CHD6: variants seen among roughly 807,000 people sequenced by gnomAD.
CHD6 encodes ATP-dependent chromatin remodeler CHD6.
In CHD6, 50 loss-of-function variants were observed where a neutral mutation model predicts 276.9. That is an observed-to-expected ratio of 0.18 (90% CI 0.14 to 0.23). The LOEUF (loss-of-function observed/expected upper bound fraction) is 0.23, where lower values mean the gene tolerates loss of function less well. Ranked by LOEUF, CHD6 falls within the 10% of genes least tolerant of loss-of-function variation. The pLI, the probability that CHD6 is intolerant of heterozygous loss-of-function variation, is 1.00. For synonymous variants in CHD6, 1,173 were observed against 1,229.3 expected, an observed-to-expected ratio of 0.95 and a Z score of 0.96; for missense variants, 2,564 against 3,365.8, an observed-to-expected ratio of 0.76 and a Z score of 5.89.
intron 2 of CHD6, among the ~76,000 whole-genome samples, chr20:41,548,412 G>A (rs929896470): frequency 1.3e-5 from 2 of 152,096 alleles, no homozygotes; most frequent in African/African-American, 4.8e-5. Flanking sequence ...CAAGAAACCA[G>A]AATTCATTTT....
At chr20:41,457,605 C>T (rs140274999) in intron 17 of CHD6, among the ~76,000 whole-genome samples, 177 bp from the exon 18 acceptor site, 140 of 152,312 alleles carry the variant, frequency 9.2e-4, no homozygotes, top group African/African-American at 3.1e-3. Context: ...CCCTCCGTGG[C>T]CACTCATTTC....
chr20:41,416,749 A>C lies in CHD6; in HGVS notation c.6325T>G (p.Leu2109Val). 1.3e-5 allele frequency: 21 copies of C among 1,610,500 alleles called. No individual in the cohort carries two copies. The highest frequency in any genetic ancestry group is 1.8e-5 in the Non-Finnish European group (21 of 1,177,644). ...TGGCTAGAGGGCCACTTCCCCTTTA[A>C]CACCACGTGGCAGATATTATCTAGG... ...NRLDNICHVV[L>V]KGKWPSSQQY... is the part of the protein sequence containing the mutation. The change falls in exon 33 of 37, where the codon TTA (leucine) becomes GTA (valine). Residue 2109 changes from leucine (L) to valine (V), a missense_variant. Coordinates refer to ENST00000373233, the MANE Select transcript of CHD6 (RefSeq NM_032221.5).
intron 7 of CHD6, chr20:41,497,952 A>G (rs751135207): frequency 1.9e-6 from 1 of 532,058 alleles, no homozygotes; most frequent in Non-Finnish European, 3.4e-6. Context: ...TCTTGGGTGG[A>G]GCAAAGGCTT....
intron 2 of CHD6, among the ~76,000 whole-genome samples, chr20:41,538,179 C>G (rs1312126960): frequency 6.6e-6 from 1 of 151,990 alleles, no homozygotes; most frequent in Non-Finnish European, 1.5e-5. Context: ...GGTGAAACTC[C>G]CTATCTACTA....
intron 3 of CHD6, among the ~76,000 whole-genome samples, chr20:41,521,059 G>C (rs2044381265): frequency 6.6e-6 from 1 of 152,166 alleles, no homozygotes; most frequent in African/African-American, 2.4e-5. Context: ...GGATACAGGA[G>C]GGAGTGACAC....
chr20:41,597,167 A>T (rs1027744030), intron 1 of CHD6, among the ~76,000 whole-genome samples: 1 of 152,208 alleles, frequency 6.6e-6, no homozygotes, highest in African/African-American at 2.4e-5. Flanking sequence ...AAAAGAAGTC[A>T]TCCCACTTAC....
intron 2 of CHD6, among the ~76,000 whole-genome samples, chr20:41,538,936 ACCAC>A (rs2044887243): frequency 6.6e-6 from 1 of 152,086 alleles, no homozygotes; most frequent in Non-Finnish European, 1.5e-5. Context: ...CCTCCTGGTG[ACCAC>A]CCACCTATGG....
Position 41,593,992 on chromosome 20 carries a change from TA to T in CHD6, c.-24+24347del, listed in dbSNP as rs879583202. On this transcript the variant is annotated intron_variant, in intron 1 of 36. Coordinates refer to ENST00000373233, the MANE Select transcript of CHD6 (RefSeq NM_032221.5). ...AATGCAATGGAGAACAAATTTTGCT[TA>T]AAAAAAAAAAAAAAATCCCATGATC... Among the ~76,000 whole-genome samples, 837 of 138,388 alleles carry T rather than the reference TA, an allele frequency of 6.0e-3. 2 individuals are homozygous for T. The highest frequency in any genetic ancestry group is 8.7e-3 in the South Asian group (38 of 4,376). 90.8% of individuals were successfully genotyped at this position (138,388 alleles called of 152,430 possible). A position where few individuals can be genotyped will look rare whatever the true frequency, so the allele number is the denominator to read the frequency against.
At chr20:41,497,602 T>C in intron 7 of CHD6, 101 bp from the exon 8 acceptor site, 4 of 824,680 alleles carry the variant, frequency 4.9e-6, no homozygotes, top group South Asian at 4.1e-5. Context: ...ACAGAAATAG[T>C]AAAATGGTTT....
At chr20:41,541,418 T>C (rs2044940008) in intron 2 of CHD6, among the ~76,000 whole-genome samples, 1 of 152,188 alleles carries the variant, frequency 6.6e-6, no homozygotes, top group African/African-American at 2.4e-5. Flanking sequence ...GACAGTTCAG[T>C]TGCAGGTATT....
intron 1 of CHD6, among the ~76,000 whole-genome samples, chr20:41,579,743 C>T (rs2045516212): frequency 6.6e-6 from 1 of 152,154 alleles, no homozygotes; most frequent in African/African-American, 2.4e-5. Flanking sequence ...TTCCAACCTC[C>T]TTACCCTTAG....
At chr20:41,524,398 C>A (rs1464544274) in intron 3 of CHD6, among the ~76,000 whole-genome samples, 1 of 152,096 alleles carries the variant, frequency 6.6e-6, no homozygotes, top group Non-Finnish European at 1.5e-5. Flanking sequence ...ATCATCAACA[C>A]CTTCAAAATG....
At chr20:41,512,364 A>G (rs2044140325) in intron 5 of CHD6, among the ~76,000 whole-genome samples, 1 of 152,126 alleles carries the variant, frequency 6.6e-6, no homozygotes, top group Non-Finnish European at 1.5e-5. Context: ...AAGGAAGTAC[A>G]CAAGGGGCTG....
chr20:41,431,826 G>A (rs1246965011), intron 27 of CHD6, among the ~76,000 whole-genome samples: 9 of 139,004 alleles, frequency 6.5e-5, no homozygotes, highest in East Asian at 2.2e-4. Flanking sequence ...GTAAAGAAGC[G>A]GGCTACCCGG....
intron 25 of CHD6, among the ~76,000 whole-genome samples, chr20:41,443,295 A>T (rs1375902641): frequency 2.6e-5 from 4 of 152,238 alleles, no homozygotes; most frequent in African/African-American, 4.8e-5. Context: ...CTAAGAGATC[A>T]ACTGATTAAT....
rs373883418 is a variant in CHD6, at chr20:41,420,496, T to C, written c.6127+12A>G. ...GTTTATCCAAAATGCCACAAGATCC[T>C]ACATACTGTACCTTGACTATGGCAG... On this transcript the variant is annotated intron_variant, in intron 31 of 36. Coordinates refer to ENST00000373233, the MANE Select transcript of CHD6 (RefSeq NM_032221.5). 6.5e-5 allele frequency: 103 copies of C among 1,595,882 alleles called. No individual in the cohort carries two copies. The highest frequency in any genetic ancestry group is 8.6e-5 in the Admixed American group (5 of 58,334).
chr20:41,609,984 G>A (rs1336933030), intron 1 of CHD6, among the ~76,000 whole-genome samples: 1 of 150,946 alleles, frequency 6.6e-6, no homozygotes, highest in African/African-American at 2.4e-5. Context: ...AGCCTCCCAA[G>A]TAGCTGGGAT....
intron 3 of CHD6, among the ~76,000 whole-genome samples, chr20:41,521,408 G>C (rs2044391461): frequency 6.6e-6 from 1 of 152,100 alleles, no homozygotes; most frequent in South Asian, 2.1e-4. Flanking sequence ...ATTGATGTTG[G>C]GAACTGGCAA....
chr20:41,550,936 T>A (rs924603357), intron 2 of CHD6, among the ~76,000 whole-genome samples: 1 of 152,196 alleles, frequency 6.6e-6, no homozygotes, highest in Non-Finnish European at 1.5e-5. Context: ...TAAGTAAGAA[T>A]GCTTTTAGTT....
Sources: allele counts gnomAD v4.1 joint callset (sites outside exome capture counted in the v4.1 genomes callset), GRCh38; gene constraint gnomAD v4.1.1; transcripts MANE v1.5; gene names NCBI Gene and HGNC (gene_info 2026-07-23, HGNC 2026-07-21).